Variants in RAB28 observed in about 807,000 individuals in gnomAD.
The protein encoded by RAB28 is RAB28, member RAS oncogene family, also known as ras-related protein Rab-28.
A neutral mutation model predicts 31.7 loss-of-function variants in RAB28; 24 were observed. The observed-to-expected ratio is 0.76, with a 90% CI of 0.55 to 1.06. The LOEUF (loss-of-function observed/expected upper bound fraction) is 1.06. Among genes scored for constraint, RAB28 ranks in the 50% least tolerant of loss-of-function variants. RAB28 has a pLI of 0.00. For missense variants in RAB28, 254 were observed against 258.5 expected, an observed-to-expected ratio of 0.98 and a Z score of 0.12; for synonymous variants, 100 against 90.4, an observed-to-expected ratio of 1.11 and a Z score of -0.60.
intron 4 of RAB28, among the ~76,000 whole-genome samples, chr4:13,452,584 A>T (rs1715029422): frequency 6.6e-6 from 1 of 151,958 alleles, no homozygotes; most frequent in Non-Finnish European, 1.5e-5. Flanking sequence ...TTGAATGTTC[A>T]TCTACTGTTG....
intron 4 of RAB28, among the ~76,000 whole-genome samples, chr4:13,442,247 A>G (rs990755002): frequency 7.2e-5 from 11 of 152,232 alleles, no homozygotes; most frequent in Admixed American, 7.2e-4. Flanking sequence ...ATTTGTTGTA[A>G]GAAGAGCTAA....
intron 4 of RAB28, among the ~76,000 whole-genome samples, chr4:13,422,492 C>T (rs1237147408): frequency 3.9e-5 from 6 of 152,170 alleles, no homozygotes; most frequent in African/African-American, 1.4e-4. Context: ...AGACTTGGAA[C>T]CAACCCAAAT....
At chr4:13,377,807 G>A (rs1266693814) in intron 5 of RAB28, among the ~76,000 whole-genome samples, 1 of 152,204 alleles carries the variant, frequency 6.6e-6, no homozygotes, top group Non-Finnish European at 1.5e-5. Flanking sequence ...GTAAGAAACA[G>A]TCATCAGGTT....
At chr4:13,392,960 A>C (rs552376155) in intron 4 of RAB28, among the ~76,000 whole-genome samples, 1 of 152,342 alleles carries the variant, frequency 6.6e-6, no homozygotes, top group South Asian at 2.1e-4. Flanking sequence ...AAAAGCAATG[A>C]CTAGCATATA....
chr4:13,423,479 G>A (rs73229679), intron 4 of RAB28, among the ~76,000 whole-genome samples: 2,094 of 150,944 alleles, frequency 0.014, 25 homozygotes, highest in Middle Eastern at 0.045. Flanking sequence ...GTGAAACTCC[G>A]TCTCGGGGGG....
At chr4:13,483,509 A>AT (rs1387796820) in intron 1 of RAB28, among the ~76,000 whole-genome samples, 1 of 152,196 alleles carries the variant, frequency 6.6e-6, no homozygotes, top group Non-Finnish European at 1.5e-5. Context: ...GTATTTTCAC[A>AT]TTTAATATGT....
At chr4:13,421,697 T>C (rs1222749304) in intron 4 of RAB28, among the ~76,000 whole-genome samples, 2 of 152,212 alleles carry the variant, frequency 1.3e-5, no homozygotes, top group Non-Finnish European at 2.9e-5. Context: ...TGGTTAGCCA[T>C]ATGTAGAAAG....
chr4:13,403,398 A>G (rs1465614360), intron 4 of RAB28, among the ~76,000 whole-genome samples: 1 of 152,190 alleles, frequency 6.6e-6, no homozygotes, highest in East Asian at 1.9e-4. Context: ...GGCTTTCTAT[A>G]GCTCTTGTGA....
At chr4:13,454,390 GT>G (rs1282175216) in intron 4 of RAB28, among the ~76,000 whole-genome samples, 1 of 151,974 alleles carries the variant, frequency 6.6e-6, no homozygotes, top group African/African-American at 2.4e-5. Flanking sequence ...TAAAGGTGTC[GT>G]TTCCTTGCTT....
chr4:13,434,753 T>C (rs929027748), intron 4 of RAB28, among the ~76,000 whole-genome samples: 9 of 152,118 alleles, frequency 5.9e-5, no homozygotes, highest in African/African-American at 2.2e-4. Flanking sequence ...GTGCAGTGGC[T>C]CACTCCTGTA....
intron 6 of RAB28, among the ~76,000 whole-genome samples, chr4:13,369,037 T>C (rs2108871541): frequency 6.6e-6 from 1 of 152,290 alleles, no homozygotes; most frequent in South Asian, 2.1e-4. Context: ...AATAGCATTA[T>C]TGATTAATAT....
At chr4:13,438,714 T>C (rs1441753114) in intron 4 of RAB28, among the ~76,000 whole-genome samples, 3 of 152,176 alleles carry the variant, frequency 2.0e-5, no homozygotes, top group African/African-American at 4.8e-5. Flanking sequence ...CTATGAATAA[T>C]GTTGTTTTGA....
intron 4 of RAB28, among the ~76,000 whole-genome samples, chr4:13,447,578 T>C (rs970815407): frequency 6.6e-6 from 1 of 152,162 alleles, no homozygotes; most frequent in Non-Finnish European, 1.5e-5. Flanking sequence ...AAGTGGAAAA[T>C]ACTTAAATTC....
Position 13,368,384 on chromosome 4 carries a change from C to G in RAB28, c.*174G>C. On this transcript the variant is annotated 3_prime_UTR_variant, in exon 7 of 7. Transcript: ENST00000330852. ...GTGTGGTCCCAAAGTTGAATTCTTT[C>G]AAATCCAAGGAGCTGCCTGCCACTG... 1 of 1,240,136 alleles carries G rather than the reference C, an allele frequency of 8.1e-7. No individual in the cohort carries two copies. The highest frequency in any genetic ancestry group is 3.2e-5 in the East Asian group (1 of 30,984). The allele number at this position is 1,240,136 out of a possible 1,614,324, so 76.8% of individuals were successfully genotyped here.
intron 4 of RAB28, among the ~76,000 whole-genome samples, chr4:13,451,035 G>A (rs573229167): frequency 1.3e-5 from 2 of 151,950 alleles, no homozygotes; most frequent in South Asian, 2.1e-4. Context: ...AAGCAGAAAA[G>A]TCTTATAATC....
At chr4:13,421,946 C>T (rs978653692) in intron 4 of RAB28, among the ~76,000 whole-genome samples, 11 of 152,020 alleles carry the variant, frequency 7.2e-5, no homozygotes, top group Non-Finnish European at 1.0e-4. Flanking sequence ...AAAGAAACTA[C>T]CATCAGAGTG....
chr4:13,459,874 T>C, intron 4 of RAB28: 1 of 1,289,308 alleles, frequency 7.8e-7, no homozygotes, highest in Non-Finnish European at 1.0e-6. Context: ...TGCAATATCA[T>C]AAAATCTGCA....
chr4:13,423,138 C>CA (rs1198102233), intron 4 of RAB28, among the ~76,000 whole-genome samples: 2 of 152,080 alleles, frequency 1.3e-5, no homozygotes, highest in African/African-American at 4.8e-5. Flanking sequence ...ACAAAGCAGC[C>CA]TTTTAATTGT....
In RAB28 at chr4:13,447,727, C is replaced by T. The variant is rs564877690; in HGVS notation, c.391+12972G>A. ...AATCCAGATTTATTATTATTAATAG[C>T]TATATTTATTATGATGATGTATATG... On this transcript the variant is annotated intron_variant, in intron 4 of 6. Coordinates refer to ENST00000330852, the MANE Select transcript of RAB28 (RefSeq NM_001017979.3). 1.8e-3 allele frequency among the ~76,000 whole-genome samples: 277 copies of T among 152,072 alleles called. 1 individual carries two copies. The highest frequency in any genetic ancestry group is 6.2e-3 in the African/African-American group (258 of 41,468).
Sources: gnomAD v4.1 joint callset for allele counts (sites outside exome capture counted in the v4.1 genomes callset) on GRCh38, gnomAD v4.1.1 for gene constraint, MANE v1.5 for transcripts, NCBI Gene and HGNC (gene_info 2026-07-23, HGNC 2026-07-21) for gene names.